DMPK: variants seen among roughly 807,000 people sequenced by gnomAD.
DMPK encodes the protein DM1 protein kinase, also known as myotonin-protein kinase.
Under a neutral mutation model 70.3 loss-of-function variants are expected in DMPK, and 32 were observed. The observed-to-expected ratio is 0.46, with a 90% CI of 0.34 to 0.61. The LOEUF is 0.61. Ranked by LOEUF, DMPK falls within the 20% of genes least tolerant of loss-of-function variation. DMPK has a pLI of 0.01. For synonymous variants in DMPK, 469 were observed against 390.9 expected, an observed-to-expected ratio of 1.20 and a Z score of -2.36; for missense variants, 899 against 886.0, an observed-to-expected ratio of 1.01 and a Z score of -0.19.
At chr19:45,773,209 G>T (rs1433879069) in intron 9 of DMPK, among the ~76,000 whole-genome samples, 2 of 152,150 alleles carry the variant, frequency 1.3e-5, no homozygotes, top group Non-Finnish European at 2.9e-5. Flanking sequence ...ACTCAGCTGT[G>T]GGAAGGGGAC....
In DMPK at chr19:45,775,039, G is replaced by T; in HGVS notation, c.1147-5C>A. On this transcript the variant is annotated splice_polypyrimidine_tract_variant and splice_region_variant and intron_variant, in intron 8 of 14. Transcript: ENST00000291270. Reference sequence around the variant, plus strand: ...CCGAATGTCCGACAGTGTCTCCTGCGCAAGACACACAGATGTGAGCAGCAG... The same window carrying T: ...CCGAATGTCCGACAGTGTCTCCTGCTCAAGACACACAGATGTGAGCAGCAG... 6.2e-7 allele frequency: 1 copy of T among 1,611,826 alleles called. No individual in the cohort carries two copies. The highest frequency in any genetic ancestry group is 8.5e-7 in the Non-Finnish European group (1 of 1,178,654).
chr19:45,770,471 G>T lies in DMPK; in HGVS notation c.*17C>A. On this transcript the variant is annotated 3_prime_UTR_variant, in exon 15 of 15. Coordinates refer to ENST00000291270, the MANE Select transcript of DMPK (RefSeq NM_004409.5). Reference sequence around the variant, plus strand: ...AGTCTTCCAACGGGGCCCCGGAGTCGAAGACAGTTCTAGGGTTCAGGGAGC... The same window carrying T: ...AGTCTTCCAACGGGGCCCCGGAGTCTAAGACAGTTCTAGGGTTCAGGGAGC... 6.5e-7 allele frequency: 1 copy of T among 1,549,810 alleles called. No homozygotes were observed. The highest frequency in any genetic ancestry group is 8.7e-7 in the Non-Finnish European group (1 of 1,146,762).
At position 45,770,385 on chromosome 19, in the gene DMPK, T is replaced by G. The variant is rs1466296824; in HGVS notation, c.*103A>C. 7.1e-7 allele frequency: 1 copy of G among 1,415,408 alleles called. No homozygotes were observed. Among genetic ancestry groups the G allele is most frequent in the Non-Finnish European group, 9.7e-7 (1 of 1,027,542 alleles). The allele number at this position is 1,415,408 out of a possible 1,614,324, so 87.7% of individuals were successfully genotyped here. The stretch of plus-strand genomic sequence containing the variant: ...ACTGGAGCTGGGCGGAGACCCACGC[T>G]CGGAGCGGTTGTGAACTGGCAGGCG... On this transcript the variant is annotated 3_prime_UTR_variant, in exon 15 of 15. Transcript: ENST00000291270.
In DMPK at chr19:45,770,453, C is replaced by A; in HGVS notation, c.*35G>T. Reference sequence around the variant, plus strand: ...GCCGTGCCCCGGGCACTCAGTCTTCCAACGGGGCCCCGGAGTCGAAGACAG... The same window carrying A: ...GCCGTGCCCCGGGCACTCAGTCTTCAAACGGGGCCCCGGAGTCGAAGACAG... On this transcript the variant is annotated 3_prime_UTR_variant, in exon 15 of 15. Transcript: ENST00000291270. The A allele has an allele frequency of 6.5e-7, 1 of 1,548,906 alleles. No individual in the cohort carries two copies. The highest frequency in any genetic ancestry group is 8.7e-7 in the Non-Finnish European group (1 of 1,146,564).
In DMPK at chr19:45,770,419, G is replaced by A. The variant is rs963199505; in HGVS notation, c.*69C>T. On this transcript the variant is annotated 3_prime_UTR_variant, in exon 15 of 15. Transcript: ENST00000291270. ...TTGTGAACTGGCAGGCGGTGGGCGC[G>A]GCTTCTGTGCCGTGCCCCGGGCACT... 7.8e-6 allele frequency: 12 copies of A among 1,528,900 alleles called. No homozygotes were observed. Among genetic ancestry groups the A allele is most frequent in the East Asian group, 7.4e-5 (3 of 40,802 alleles). The allele number at this position is 1,528,900 out of a possible 1,614,324, so 94.7% of individuals were successfully genotyped here.
At chr19:45,780,137 G>C (rs1459964297) in intron 1 of DMPK, 2 of 1,440,290 alleles carry the variant, frequency 1.4e-6, no homozygotes, top group African/African-American at 2.9e-5. Context: ...AGGATGGTTA[G>C]GGTGGGGTAA....
At chr19:45,778,822 G>T in intron 4 of DMPK, 181 bp from the exon 5 acceptor site, 1 of 372,906 alleles carries the variant, frequency 2.7e-6, no homozygotes, top group Non-Finnish European at 4.2e-6. Flanking sequence ...CCCCGCCCCC[G>T]CCCCTCAAAA....
chr19:45,771,483 C>G, intron 12 of DMPK, 85 bp downstream of exon 12: 2 of 1,609,996 alleles, frequency 1.2e-6, no homozygotes, highest in Non-Finnish European at 1.7e-6. Context: ...TCCCTTCCCT[C>G]CTCCAGGTGT....
chr19:45,774,262 C>A (rs1307398625), intron 9 of DMPK, among the ~76,000 whole-genome samples: 1 of 122,110 alleles, frequency 8.2e-6, no homozygotes, highest in Non-Finnish European at 1.7e-5. Flanking sequence ...TAAATAAATA[C>A]TTTTTTTTTT....
chr19:45,771,383 G>A lies in DMPK; in HGVS notation c.1614C>T (p.Val538=), dbSNP rs1568573175. The change falls in exon 13 of 15, where the codon GTC becomes GTT. Residue 538 remains valine (V), a synonymous_variant. Coordinates refer to ENST00000291270, the MANE Select transcript of DMPK (RefSeq NM_004409.5). ...QAEGATAVTG[V]PSPRATDPPS... Reference sequence around the variant, plus strand: ...GTGGATCCGTGGCCCGGGGACTGGGGACCCCCGTGACAGCTGGAAGGAGAA... The same window carrying A: ...GTGGATCCGTGGCCCGGGGACTGGGAACCCCCGTGACAGCTGGAAGGAGAA... The A allele has an allele frequency of 1.2e-6, 2 of 1,605,020 alleles. No homozygotes were observed. Among genetic ancestry groups the A allele is most frequent in the East Asian group, 4.5e-5 (2 of 44,842 alleles).
chr19:45,770,596 G>C lies in DMPK; in HGVS notation c.1782C>G (p.Phe594Leu), dbSNP rs1181325194. ...CGGCGGCACGAGACAGAACAACGGC[G>C]AACAGGAGCAGGGAAAGCGCCTCCG... Reference protein sequence around the residue: ...GLSEALSLLLFAVVLSRAAAL... With the variant: ...GLSEALSLLLLAVVLSRAAAL... Residue 594 changes from phenylalanine to leucine, a missense_variant, in exon 15 of 15, where the codon TTC becomes TTG. By Grantham distance (22) the Phe-to-Leu change is conservative. Transcript: ENST00000291270. 5 of 1,552,868 alleles carry C rather than the reference G, an allele frequency of 3.2e-6. No individual in the cohort carries two copies. The highest frequency in any genetic ancestry group is 4.4e-6 in the Non-Finnish European group (5 of 1,148,220).
At chr19:45,774,262 CTT>C (rs34551308) in intron 9 of DMPK, among the ~76,000 whole-genome samples, 39 of 122,068 alleles carry the variant, frequency 3.2e-4, no homozygotes, top group African/African-American at 4.4e-4. Context: ...TAAATAAATA[CTT>C]TTTTTTTTTT....
Position 45,781,506 on chromosome 19 carries a change from G to A in DMPK, c.160+687C>T, listed in dbSNP as rs772131296. Among the ~76,000 whole-genome samples the A allele has an allele frequency of 1.5e-4, 23 of 152,136 alleles. 1 individual carries two copies. The highest frequency in any genetic ancestry group is 5.6e-4 in the African/African-American group (23 of 41,438). ...GGCGGGAATGGTGGCTGACCCACAC[G>A]GCTCATAGGAACCGAGACTTTGGGG... On this transcript the variant is annotated intron_variant, in intron 1 of 14. Coordinates refer to ENST00000291270, the MANE Select transcript of DMPK (RefSeq NM_004409.5).
At chr19:45,772,569 C>G in intron 10 of DMPK, 72 bp downstream of exon 10, 1 of 992,080 alleles carries the variant, frequency 1.0e-6, no homozygotes, top group East Asian at 3.0e-5. Flanking sequence ...CTACAGTGCA[C>G]GCCACCCGGG....
At chr19:45,770,745 C>T in intron 14 of DMPK, 105 bp from the exon 15 acceptor site, 2 of 1,321,246 alleles carry the variant, frequency 1.5e-6, no homozygotes, top group African/African-American at 1.5e-5. Context: ...CCCTGCGCCC[C>T]GCCCCCGCCC....
chr19:45,773,862 T>TG (rs1000779803), intron 9 of DMPK, among the ~76,000 whole-genome samples: 1 of 151,930 alleles, frequency 6.6e-6, no homozygotes, highest in African/African-American at 2.4e-5. Flanking sequence ...AGGCTGGTCT[T>TG]GAACTCCTGG....
chr19:45,782,342 T>G lies in DMPK; in HGVS notation c.11A>C (p.Glu4Ala). 5 of 1,574,138 alleles carry G rather than the reference T, an allele frequency of 3.2e-6. No homozygotes were observed. Among genetic ancestry groups the G allele is most frequent in the Non-Finnish European group, 4.3e-6 (5 of 1,160,872 alleles). Reference sequence around the variant, plus strand: ...CTGCTGGAGCCGCCTCAGCCGCACCTCGGCTGACATGTTGGACAGGCAGCA... The same window carrying G: ...CTGCTGGAGCCGCCTCAGCCGCACCGCGGCTGACATGTTGGACAGGCAGCA... MSA[E>A]VRLRRLQQLV... The change falls in exon 1 of 15, where the codon GAG becomes GCG. Residue 4 changes from glutamate to alanine, a missense_variant. By Grantham distance (107) the Glu-to-Ala change is moderately radical. This residue lies in a region of DMPK where 149 missense variants were observed against 142.5 expected (regional missense o/e 1.05). Transcript: ENST00000291270.
chr19:45,771,873 G>C lies in DMPK; in HGVS notation c.1400C>G (p.Thr467Arg). The C allele has an allele frequency of 6.3e-7, 1 of 1,589,316 alleles. No individual in the cohort carries two copies. The highest frequency in any genetic ancestry group is 8.6e-7 in the Non-Finnish European group (1 of 1,167,994). The change falls in exon 11 of 15, where the codon ACG becomes AGG. Residue 467 changes from threonine to arginine, a missense_variant. By Grantham distance (71) the Thr-to-Arg change is moderately conservative. Coordinates refer to ENST00000291270, the MANE Select transcript of DMPK (RefSeq NM_004409.5). ...VPAAEAEAEV[T>R]LRELQEALEE... ...CAGGGCTTCCTGGAGCTCCCGCAGC[G>C]TCACCTCGGCCTCAGCCTCTGCCGC...
At chr19:45,774,554 G>A (rs529807413) in intron 9 of DMPK, among the ~76,000 whole-genome samples, 4 of 152,222 alleles carry the variant, frequency 2.6e-5, no homozygotes, top group African/African-American at 9.6e-5. Flanking sequence ...GAGCCACCGC[G>A]GCCCGCCTAA....
Sources: allele counts gnomAD v4.1 joint callset (sites outside exome capture counted in the v4.1 genomes callset), GRCh38; gene constraint gnomAD v4.1.1; regional missense constraint gnomAD v4.1.1; transcripts MANE v1.5; gene names NCBI Gene and HGNC (gene_info 2026-07-23, HGNC 2026-07-21).